The following LRP1B variants were observed in gnomAD, a reference collection of about 807,000 sequenced individuals.
LRP1B encodes the protein low-density lipoprotein receptor-related protein 1B.
In LRP1B, 217 loss-of-function variants were observed where a neutral mutation model predicts 556.6. The ratio of observed to expected loss-of-function variants is 0.39; its 90% CI spans 0.35 to 0.44. LRP1B has a LOEUF of 0.44. Ranked by LOEUF, LRP1B falls within the 20% of genes least tolerant of loss-of-function variation. The pLI is 1.00. For synonymous variants in LRP1B, 2,047 were observed against 1,865.8 expected, an observed-to-expected ratio of 1.10 and a Z score of -2.50; for missense variants, 5,053 against 5,620.8, an observed-to-expected ratio of 0.90 and a Z score of 3.23.
At chr2:141,289,281 C>G (rs1439255826) in intron 3 of LRP1B, among the ~76,000 whole-genome samples, 1 of 146,106 alleles carries the variant, frequency 6.8e-6, no homozygotes, top group East Asian at 2.1e-4. Flanking sequence ...ACTGGGGAGG[C>G]TGAGGCAGGA....
intron 41 of LRP1B, among the ~76,000 whole-genome samples, chr2:140,625,596 C>A (rs1370441577): frequency 6.6e-6 from 1 of 152,086 alleles, no homozygotes; most frequent in Non-Finnish European, 1.5e-5. Context: ...CCTCATCAAA[C>A]AAGATATACA....
chr2:141,778,465 C>T (rs1457705978), intron 2 of LRP1B, among the ~76,000 whole-genome samples: 1 of 152,164 alleles, frequency 6.6e-6, no homozygotes, highest in Non-Finnish European at 1.5e-5. Flanking sequence ...ACTAAACTGC[C>T]TGCAGCTCAG....
intron 68 of LRP1B, among the ~76,000 whole-genome samples, chr2:140,375,666 A>G (rs563928219): frequency 7.7e-4 from 117 of 152,118 alleles, no homozygotes; most frequent in Non-Finnish European, 1.4e-3. Flanking sequence ...ACCACCCTAC[A>G]TGTTTCAAAT....
intron 52 of LRP1B, among the ~76,000 whole-genome samples, chr2:140,507,886 C>A (rs1428332728): frequency 1.3e-5 from 2 of 152,016 alleles, no homozygotes; most frequent in South Asian, 2.1e-4. Context: ...CTTCTTGGTG[C>A]ATCTGTTTCT....
At chr2:141,848,817 A>G (rs1241395672) in intron 1 of LRP1B, among the ~76,000 whole-genome samples, 1 of 151,514 alleles carries the variant, frequency 6.6e-6, no homozygotes, top group African/African-American at 2.4e-5. Flanking sequence ...GAACAAAATT[A>G]AACATCAGAA....
chr2:141,610,447 C>T (rs1688070432), intron 2 of LRP1B, among the ~76,000 whole-genome samples: 1 of 151,984 alleles, frequency 6.6e-6, no homozygotes, highest in Non-Finnish European at 1.5e-5. Context: ...CACGTGTTTG[C>T]TCAAATTGCT....
chr2:140,330,007 C>G (rs1485675451), intron 79 of LRP1B, among the ~76,000 whole-genome samples: 1 of 151,694 alleles, frequency 6.6e-6, no homozygotes, highest in Non-Finnish European at 1.5e-5. Context: ...CAAGACCAGC[C>G]TGGCCAACAT....
intron 51 of LRP1B, among the ~76,000 whole-genome samples, chr2:140,511,291 T>C (rs1215639935): frequency 1.8e-5 from 2 of 108,996 alleles, no homozygotes; most frequent in East Asian, 2.4e-4. Flanking sequence ...CCTCTAAGGG[T>C]CTTTTTTTTT....
intron 35 of LRP1B, among the ~76,000 whole-genome samples, chr2:140,767,229 A>C (rs1467876143): frequency 6.6e-6 from 1 of 152,002 alleles, no homozygotes; most frequent in African/African-American, 2.4e-5. Context: ...ATTCTTGAAC[A>C]TTCTACCTAC....
chr2:141,166,412 A>G (rs1680261321), intron 7 of LRP1B, among the ~76,000 whole-genome samples: 1 of 145,384 alleles, frequency 6.9e-6, no homozygotes, highest in South Asian at 2.1e-4. Flanking sequence ...GGAGCATAAT[A>G]GGTGTATATA....
At chr2:140,494,436 C>T (rs1688827161) in intron 56 of LRP1B, among the ~76,000 whole-genome samples, 2 of 151,862 alleles carry the variant, frequency 1.3e-5, no homozygotes, top group South Asian at 4.2e-4. Context: ...CCCATCTCTA[C>T]TGAAAATACA....
At chr2:140,664,658 T>A (rs1685207172) in intron 41 of LRP1B, among the ~76,000 whole-genome samples, 1 of 152,022 alleles carries the variant, frequency 6.6e-6, no homozygotes. Context: ...CAGGAACTTT[T>A]GAGAAATAGA....
At chr2:142,049,362 C>T (rs1255616739) in intron 1 of LRP1B, among the ~76,000 whole-genome samples, 1 of 152,088 alleles carries the variant, frequency 6.6e-6, no homozygotes, top group Non-Finnish European at 1.5e-5. Context: ...TACATCCACT[C>T]AGCCTAATAT....
intron 51 of LRP1B, among the ~76,000 whole-genome samples, chr2:140,511,824 G>T (rs1011659543): frequency 1.3e-5 from 2 of 151,970 alleles, no homozygotes; most frequent in African/African-American, 2.4e-5. Flanking sequence ...AAATTATTTT[G>T]TTTGCTAACT....
chr2:141,049,047 G>T lies in LRP1B; in HGVS notation c.1728C>A (p.Thr576=), dbSNP rs1259430020. 4 of 1,613,392 alleles carry T rather than the reference G, an allele frequency of 2.5e-6. No homozygotes were observed. The African/African-American group carries it at 5.3e-5, about 22-fold the overall frequency. The stretch of plus-strand genomic sequence containing the variant: ...TCTTCTGCCGGCCAATTAGGAAACT[G>T]GTGGTGTCAGCAAAGTAGATGTAAT... ...ETNYIYFADT[T]SFLIGRQKID... Residue 576 remains threonine (T), a synonymous_variant, in exon 11 of 91, where the codon ACC becomes ACA. Coordinates refer to ENST00000389484, the MANE Select transcript of LRP1B (RefSeq NM_018557.3).
chr2:141,654,497 T>C (rs566393433), intron 2 of LRP1B, among the ~76,000 whole-genome samples: 1 of 152,196 alleles, frequency 6.6e-6, no homozygotes, highest in Admixed American at 6.5e-5. Flanking sequence ...AGACTCAGGG[T>C]CTGGAGGAGT....
intron 43 of LRP1B, among the ~76,000 whole-genome samples, chr2:140,545,857 C>A (rs1298864588): frequency 2.0e-5 from 3 of 152,014 alleles, no homozygotes; most frequent in Non-Finnish European, 4.4e-5. Context: ...GGTAGTATGG[C>A]CATTTTTAAA....
chr2:140,915,285 G>C (rs1573874730), intron 21 of LRP1B, among the ~76,000 whole-genome samples: 1 of 152,188 alleles, frequency 6.6e-6, no homozygotes. Context: ...TTAGTGTGGA[G>C]AAAGAAATAG....
chr2:140,914,861 C>T (rs1364910099), intron 21 of LRP1B, among the ~76,000 whole-genome samples: 1 of 151,876 alleles, frequency 6.6e-6, no homozygotes, highest in Admixed American at 6.6e-5. Flanking sequence ...AGGTGCAGTA[C>T]TAGTAGTGAA....
Sources: allele counts gnomAD v4.1 joint callset (sites outside exome capture counted in the v4.1 genomes callset), GRCh38; gene constraint gnomAD v4.1.1; transcripts MANE v1.5; gene names NCBI Gene and HGNC (gene_info 2026-07-23, HGNC 2026-07-21).